The following EDIL3 variants were observed in gnomAD, a reference collection of about 807,000 sequenced individuals.
EDIL3 encodes the protein EGF-like repeat and discoidin I-like domain-containing protein 3.
Under a neutral mutation model 67.4 loss-of-function variants are expected in EDIL3, and 37 were observed. The ratio of observed to expected loss-of-function variants is 0.55; its 90% confidence interval spans 0.42 to 0.72. The LOEUF (loss-of-function observed/expected upper bound fraction) is 0.72, where lower values mean the gene tolerates loss of function less well. Among genes scored for constraint, EDIL3 ranks in the 30% least tolerant of loss-of-function variants. The pLI is 0.00. For missense variants in EDIL3, 527 were observed against 586.3 expected, an observed-to-expected ratio of 0.90 and a Z score of 1.04; for synonymous variants, 195 against 196.3, an observed-to-expected ratio of 0.99 and a Z score of 0.05.
chr5:84,361,427 C>G lies in EDIL3; in HGVS notation c.67+22881G>C, dbSNP rs1747596743. Among the ~76,000 whole-genome samples the G allele has an allele frequency of 3.3e-5, 5 of 152,024 alleles. No homozygotes were observed. The South Asian group carries it at 1.0e-3, about 32-fold the overall frequency. On this transcript the variant is annotated intron_variant, in intron 1 of 10. Coordinates refer to ENST00000296591, the MANE Select transcript of EDIL3 (RefSeq NM_005711.5). ...TCAATATTTTTATAAATAGAAGAGG[C>G]ACTTATTTATGCAAAATGATTGAAG...
intron 9 of EDIL3, among the ~76,000 whole-genome samples, chr5:83,996,491 CTTTGAGCAAGAAGCA>C (rs1411611012): frequency 6.6e-6 from 1 of 152,140 alleles, no homozygotes; most frequent in African/African-American, 2.4e-5. Context: ...TTTATTTGTT[CTTTGAGCAAGAAGCA>C]GACATAGCAA....
At chr5:83,974,610 G>A (rs1744848708) in intron 9 of EDIL3, among the ~76,000 whole-genome samples, 1 of 152,010 alleles carries the variant, frequency 6.6e-6, no homozygotes, top group Non-Finnish European at 1.5e-5. Flanking sequence ...AGGGCAAAGA[G>A]CCTCCAGCAG....
At chr5:83,986,409 G>A (rs1283942016) in intron 9 of EDIL3, among the ~76,000 whole-genome samples, 1 of 152,078 alleles carries the variant, frequency 6.6e-6, no homozygotes, top group Non-Finnish European at 1.5e-5. Flanking sequence ...TAACTTTCCT[G>A]AACTTCAGTT....
At chr5:84,311,914 T>G (rs1028351605) in intron 1 of EDIL3, among the ~76,000 whole-genome samples, 3 of 152,168 alleles carry the variant, frequency 2.0e-5, no homozygotes, top group Non-Finnish European at 2.9e-5. Flanking sequence ...GGCAGAAGAA[T>G]TTTTCTTAGT....
chr5:84,329,137 T>C (rs1474410166), intron 1 of EDIL3, among the ~76,000 whole-genome samples: 1 of 152,106 alleles, frequency 6.6e-6, no homozygotes, highest in African/African-American at 2.4e-5. Context: ...TTTTTTGTTT[T>C]TCCTCATTTT....
intron 1 of EDIL3, among the ~76,000 whole-genome samples, chr5:84,372,750 A>G (rs1032598268): frequency 7.9e-5 from 12 of 152,178 alleles, no homozygotes; most frequent in Non-Finnish European, 4.4e-5. Flanking sequence ...GTCAACAGGG[A>G]TAATAAAAAC....
chr5:83,980,021 C>T (rs1744942527), intron 9 of EDIL3, among the ~76,000 whole-genome samples: 1 of 152,092 alleles, frequency 6.6e-6, no homozygotes, highest in Admixed American at 6.6e-5. Flanking sequence ...ACATTCTGCT[C>T]CCTTCCCACC....
intron 1 of EDIL3, among the ~76,000 whole-genome samples, chr5:84,331,468 A>C (rs1264839317): frequency 6.6e-6 from 1 of 152,138 alleles, no homozygotes; most frequent in Non-Finnish European, 1.5e-5. Context: ...GAGTTCTCAC[A>C]AGATCTGATG....
intron 6 of EDIL3, among the ~76,000 whole-genome samples, chr5:84,092,038 G>A (rs187967770): frequency 1.4e-3 from 208 of 152,208 alleles, no homozygotes; most frequent in Non-Finnish European, 2.2e-3. Context: ...GGAACTCAGC[G>A]TGCTAACTCC....
intron 6 of EDIL3, among the ~76,000 whole-genome samples, chr5:84,093,122 A>G (rs1011157866): frequency 6.6e-6 from 1 of 152,312 alleles, no homozygotes; most frequent in African/African-American, 2.4e-5. Context: ...CTGAGTCGCC[A>G]GGGCATTCTT....
At chr5:84,046,599 T>C (rs926089011) in intron 9 of EDIL3, among the ~76,000 whole-genome samples, 4 of 152,212 alleles carry the variant, frequency 2.6e-5, no homozygotes, top group Non-Finnish European at 4.4e-5. Flanking sequence ...TTACAATTGA[T>C]TCTAATTTTA....
intron 6 of EDIL3, among the ~76,000 whole-genome samples, chr5:84,104,577 A>C (rs1747425093): frequency 6.6e-6 from 1 of 151,998 alleles, no homozygotes; most frequent in Non-Finnish European, 1.5e-5. Context: ...TTTCATGTTT[A>C]CTTTAGCTGT....
chr5:84,111,877 A>G (rs576874255), intron 5 of EDIL3, among the ~76,000 whole-genome samples: 3 of 152,188 alleles, frequency 2.0e-5, no homozygotes, highest in Non-Finnish European at 4.4e-5. Context: ...TGGTGAATGC[A>G]GAAGATTCAG....
chr5:84,209,976 C>A (rs1561222122), intron 3 of EDIL3, among the ~76,000 whole-genome samples: 2 of 152,198 alleles, frequency 1.3e-5, no homozygotes, highest in Admixed American at 1.3e-4. Context: ...TGTCAAAGCA[C>A]ATTCTAATTT....
At chr5:84,244,490 T>C (rs1045063357) in intron 2 of EDIL3, among the ~76,000 whole-genome samples, 3 of 151,356 alleles carry the variant, frequency 2.0e-5, no homozygotes, top group Non-Finnish European at 2.9e-5. Flanking sequence ...GCTTTTACCA[T>C]GTTGGCCAGG....
chr5:84,295,844 T>TAATTGATGATTAA lies in EDIL3; in HGVS notation c.68-41633_68-41632insTTAATCATCAATT, dbSNP rs555175831. 9.8e-5 allele frequency among the ~76,000 whole-genome samples: 15 copies of TAATTGATGATTAA among 152,296 alleles called. 1 individual carries two copies. In the South Asian group the frequency reaches 3.1e-3, roughly 32 times the overall value. On this transcript the variant is annotated intron_variant, in intron 1 of 10. Transcript: ENST00000296591. ...TTTTGAATACCCAAAGACATGTTTT[T>TAATTGATGATTAA]AATTGATGAACAGTGACTCAGGTTG...
intron 3 of EDIL3, among the ~76,000 whole-genome samples, chr5:84,196,674 T>A (rs1743713328): frequency 6.6e-6 from 1 of 151,992 alleles, no homozygotes; most frequent in South Asian, 2.1e-4. Context: ...ATTAAATATA[T>A]CTCTGCTAGG....
At chr5:83,953,845 A>T (rs1744461444) in intron 10 of EDIL3, among the ~76,000 whole-genome samples, 1 of 151,826 alleles carries the variant, frequency 6.6e-6, no homozygotes, top group Admixed American at 6.6e-5. Flanking sequence ...GGCTTATTAC[A>T]GGTGTATTTG....
intron 9 of EDIL3, among the ~76,000 whole-genome samples, chr5:84,031,661 T>C (rs1182413521): frequency 6.6e-6 from 1 of 151,966 alleles, no homozygotes; most frequent in Non-Finnish European, 1.5e-5. Context: ...CCACGAAGAG[T>C]GTCCTCACCA....
Sources: gnomAD v4.1 joint callset for allele counts (sites outside exome capture counted in the v4.1 genomes callset) on GRCh38, gnomAD v4.1.1 for gene constraint, MANE v1.5 for transcripts, NCBI Gene and HGNC (gene_info 2026-07-23, HGNC 2026-07-21) for gene names.